Variants in DNAH14 observed in about 807,000 individuals in gnomAD.
DNAH14 encodes dynein axonemal heavy chain 14, also known as axonemal beta dynein heavy chain 14.
In DNAH14, 478 loss-of-function variants were observed where a neutral mutation model predicts 520.9. That is an observed-to-expected ratio of 0.92 (90% CI 0.85 to 0.99). The LOEUF is 0.99. Among genes scored for constraint, DNAH14 ranks in the 50% least tolerant of loss-of-function variants. The pLI, the probability that DNAH14 is intolerant of heterozygous loss-of-function variation, is 0.00. For synonymous variants in DNAH14, 1,581 were observed against 1,757.2 expected (o/e 0.90, Z 2.51); for missense variants, 4,831 against 5,234.5 (o/e 0.92, Z 2.38).
intron 29 of DNAH14, 123 bp from the exon 30 acceptor site, chr1:225,145,203 A>C: frequency 1.2e-5 from 7 of 600,430 alleles, no homozygotes; most frequent in Non-Finnish European, 1.7e-5. Flanking sequence ...TTTGATTTTT[A>C]ATTCATCTCC....
At chr1:225,380,646 T>C (rs2095768024) in intron 80 of DNAH14, among the ~76,000 whole-genome samples, 1 of 152,170 alleles carries the variant, frequency 6.6e-6, no homozygotes, top group African/African-American at 2.4e-5. Flanking sequence ...CTCTCTGCCT[T>C]CTGGAACAGC....
intron 27 of DNAH14, among the ~76,000 whole-genome samples, chr1:225,138,302 G>A (rs1328316846): frequency 5.3e-5 from 8 of 152,308 alleles, no homozygotes; most frequent in South Asian, 2.1e-4. Context: ...TGCAACAGCC[G>A]TTTCCCCCAA....
chr1:225,201,924 G>A (rs2149401448), intron 38 of DNAH14, among the ~76,000 whole-genome samples: 1 of 142,844 alleles, frequency 7.0e-6, no homozygotes, highest in Admixed American at 7.3e-5. Flanking sequence ...CCCCCAGGCT[G>A]GAGTGCAATG....
At chr1:225,348,061 G>GA (rs1308651688) in intron 71 of DNAH14, among the ~76,000 whole-genome samples, 1 of 152,028 alleles carries the variant, frequency 6.6e-6, no homozygotes, top group Non-Finnish European at 1.5e-5. Flanking sequence ...TTCTGAAGCT[G>GA]AAAAATGCAA....
intron 77 of DNAH14, among the ~76,000 whole-genome samples, chr1:225,371,059 G>T (rs1259286076): frequency 6.6e-6 from 1 of 152,118 alleles, no homozygotes; most frequent in Non-Finnish European, 1.5e-5. Context: ...TTAAGAAACA[G>T]ATAGTATTAA....
chr1:224,994,974 C>T (rs777340049), intron 8 of DNAH14, among the ~76,000 whole-genome samples: 1 of 152,018 alleles, frequency 6.6e-6, no homozygotes, highest in African/African-American at 2.4e-5. Flanking sequence ...TTTATGTTTT[C>T]GATGCCAGAA....
At chr1:225,293,830 T>TA (rs78722574) in intron 55 of DNAH14, among the ~76,000 whole-genome samples, 103 of 151,368 alleles carry the variant, frequency 6.8e-4, no homozygotes, top group Non-Finnish European at 9.3e-4. Context: ...GTTTTTTTTT[T>TA]AAAAAAAGAG....
rs2079391504 is a variant in DNAH14, at chr1:225,140,887, A to G, written c.4374A>G (p.Val1458=). The G allele has an allele frequency of 6.4e-7, 1 of 1,551,388 alleles. No individual in the cohort carries two copies. The highest frequency in any genetic ancestry group is 2.4e-5 in the East Asian group (1 of 40,880). Residue 1458 remains valine, a synonymous_variant, in exon 28 of 86, where the codon GTA becomes GTG. Coordinates refer to ENST00000682510, the MANE Select transcript of DNAH14 (RefSeq NM_001367479.1). The stretch of plus-strand genomic sequence containing the variant: ...ATCTAGAAGAGGTTGCAGACCTGGT[A>G]GTGCTGGATACTAGTAACTCTCGAA... ...MCHLEEVADL[V]VLDTSNSRTK...
Position 225,327,352 on chromosome 1 carries a change from G to A in DNAH14, c.9723+2520G>A, listed in dbSNP as rs533534775. 1.4e-3 allele frequency among the ~76,000 whole-genome samples: 216 copies of A among 151,766 alleles called. 1 individual carries two copies. Among genetic ancestry groups the A allele is most frequent in the Non-Finnish European group, 2.3e-3 (159 of 67,934 alleles). On this transcript the variant is annotated intron_variant, in intron 64 of 85. Transcript: ENST00000682510. ...TATTTTTTTTATTTTTAGTAGAGAC[G>A]GGGTTTCACCGTGTTAGCCAGGATG... is the stretch of plus-strand genomic sequence containing the variant.
chr1:225,271,842 G>A, intron 50 of DNAH14, 64 bp from the exon 51 acceptor site: 1 of 1,310,870 alleles, frequency 7.6e-7, no homozygotes, highest in Non-Finnish European at 1.0e-6. Context: ...TTAGTGGAAG[G>A]TAGCCAGAAG....
intron 36 of DNAH14, among the ~76,000 whole-genome samples, chr1:225,171,323 A>G (rs189827176): frequency 1.7e-4 from 26 of 152,288 alleles, no homozygotes; most frequent in African/African-American, 6.0e-4. Flanking sequence ...AAATCAGTGA[A>G]TCCAGGAGCT....
At chr1:225,290,389 G>C (rs920166552) in intron 55 of DNAH14, among the ~76,000 whole-genome samples, 1 of 151,534 alleles carries the variant, frequency 6.6e-6, no homozygotes, top group African/African-American at 2.4e-5. Context: ...GAGGTCATCT[G>C]TCTTATATCA....
rs1245655418 is a variant in DNAH14, at chr1:225,340,360, T to C, written c.10434-97T>C. On this transcript the variant is annotated intron_variant, in intron 68 of 85. Transcript: ENST00000682510. ...GCTGAAAAACACTAAAAATCTTGTG[T>C]ACTTCCAGGAAAAATGCTTTATGTA... is the stretch of plus-strand genomic sequence containing the variant. The C allele has an allele frequency of 3.9e-6, 5 of 1,288,844 alleles. No individual in the cohort carries two copies. The East Asian group carries it at 1.3e-4, about 33-fold the overall frequency. The allele number at this position is 1,288,844 out of a possible 1,614,324, so 79.8% of individuals were successfully genotyped here.
intron 84 of DNAH14, chr1:225,398,065 A>AC: frequency 6.6e-6 from 1 of 151,002 alleles, no homozygotes; most frequent in Non-Finnish European, 1.5e-5. Flanking sequence ...AAAAAAAAAA[A>AC]AAAACCCCTC....
intron 43 of DNAH14, among the ~76,000 whole-genome samples, chr1:225,250,990 C>A (rs1405999910): frequency 6.6e-6 from 1 of 152,082 alleles, no homozygotes; most frequent in Non-Finnish European, 1.5e-5. Flanking sequence ...AAATAAATTT[C>A]TGTTGTTCAA....
rs2061345955 is a variant in DNAH14, at chr1:224,968,880, G to GTGAAAAAAA, written c.767+12_767+20dup. 6.5e-7 allele frequency: 1 copy of GTGAAAAAAA among 1,527,026 alleles called. No individual in the cohort carries two copies. The highest frequency in any genetic ancestry group is 1.4e-5 in the African/African-American group (1 of 71,714). 94.6% of individuals were successfully genotyped at this position (1,527,026 alleles called of 1,614,324 possible). A position where few individuals can be genotyped will look rare whatever the true frequency, so the allele number is the denominator to read the frequency against. ...AAGATATTTTCTGATTTCCGGTGAG[G>GTGAAAAAAA]TGAAAAAAATGAAACCAATTCTTTG... On this transcript the variant is annotated splice_region_variant and intron_variant, in intron 7 of 85. Coordinates refer to ENST00000682510, the MANE Select transcript of DNAH14 (RefSeq NM_001367479.1).
Position 225,258,008 on chromosome 1 carries a change from A to C in DNAH14, c.6914A>C (p.Lys2305Thr). 4 of 1,549,844 alleles carry C rather than the reference A, an allele frequency of 2.6e-6. No individual in the cohort carries two copies. The highest frequency in any genetic ancestry group is 3.5e-6 in the Non-Finnish European group (4 of 1,146,436). Reference protein sequence around the residue: ...NLQRSGGNFLKITECGECINY... With the variant: ...NLQRSGGNFLTITECGECINY... ...CAAAGATCTGGCGGAAACTTCTTGA[A>C]GATAACAGAATGTGGAGAATGCATT... The change falls in exon 45 of 86, where the codon AAG (lysine) becomes ACG (threonine). Residue 2305 changes from lysine to threonine, a missense_variant. Coordinates refer to ENST00000682510, the MANE Select transcript of DNAH14 (RefSeq NM_001367479.1).
chr1:225,168,799 G>A (rs1217484142), intron 36 of DNAH14, among the ~76,000 whole-genome samples: 2 of 152,208 alleles, frequency 1.3e-5, no homozygotes, highest in Non-Finnish European at 2.9e-5. Context: ...TTTGAAGAGA[G>A]TAGTGGTTCT....
At chr1:225,140,723 A>G (rs1324612841) in intron 27 of DNAH14, 45 bp from the exon 28 acceptor site, 10 of 1,288,430 alleles carry the variant, frequency 7.8e-6, no homozygotes, top group Admixed American at 2.6e-5. Flanking sequence ...TCAATTATAT[A>G]TATATAGAGA....
Sources: gnomAD v4.1 joint callset for allele counts (sites outside exome capture counted in the v4.1 genomes callset) on GRCh38, gnomAD v4.1.1 for gene constraint, MANE v1.5 for transcripts, NCBI Gene and HGNC (gene_info 2026-07-23, HGNC 2026-07-21) for gene names.